CFL2: variants seen among roughly 807,000 people sequenced by gnomAD.
The protein encoded by CFL2 is cofilin 2.
In CFL2, 10 loss-of-function variants were observed where a neutral mutation model predicts 19.6. The ratio of observed to expected loss-of-function variants is 0.51; its 90% CI spans 0.31 to 0.86. CFL2 has a LOEUF of 0.86. CFL2 is among the 40% of genes least tolerant of loss of function. The pLI, the probability that CFL2 is intolerant of heterozygous loss-of-function variation, is 0.04. For synonymous variants in CFL2, 63 were observed against 66.7 expected, an observed-to-expected ratio of 0.95 and a Z score of 0.27; for missense variants, 125 against 192.1, an observed-to-expected ratio of 0.65 and a Z score of 2.06.
chr14:34,714,401 G>A (rs917806937), intron 1 of CFL2, 137 bp downstream of exon 1: 14 of 1,353,718 alleles, frequency 1.0e-5, no homozygotes, highest in Non-Finnish European at 1.4e-5. Flanking sequence ...CGGTCGGCTG[G>A]AGAGCAGCGG....
rs1042347844 is a variant in CFL2 at position 34,711,282 on chromosome 14, G to C, written c.*1583C>G. ...CGACTGACTGCTTACTAGCATGCCTGTTTTGCATACCAGTAGAATCAAGTC... is the reference window on the plus strand; with the variant it reads ...CGACTGACTGCTTACTAGCATGCCTCTTTTGCATACCAGTAGAATCAAGTC... On this transcript the variant is annotated 3_prime_UTR_variant, in exon 4 of 4. Coordinates refer to ENST00000298159, the MANE Select transcript of CFL2 (RefSeq NM_138638.5). The C allele has an allele frequency of 8.8e-6, 4 of 454,424 alleles. No homozygotes were observed. The East Asian group carries it at 2.8e-4, about 32-fold the overall frequency. The allele number at this position is 454,424 out of a possible 1,614,324, so 28.1% of individuals were successfully genotyped here.
rs1042013645 is a variant in CFL2 at position 34,709,391 on chromosome 14, T to G, written c.*3474A>C. Reference sequence around the variant, plus strand: ...TTCTACATGGAAATAAAGCAATTAGTTGGATGTTCCAGAGCAAAAGAAAAG... The same window carrying G: ...TTCTACATGGAAATAAAGCAATTAGGTGGATGTTCCAGAGCAAAAGAAAAG... On this transcript the variant is annotated 3_prime_UTR_variant, in exon 4 of 4. Coordinates refer to ENST00000298159, the MANE Select transcript of CFL2 (RefSeq NM_138638.5). 26 of 152,086 alleles carry G rather than the reference T, an allele frequency of 1.7e-4. No homozygotes were observed. The highest frequency in any genetic ancestry group is 2.4e-4 in the Non-Finnish European group (16 of 68,004). The allele number at this position is 152,086 out of a possible 1,614,324, so 9.4% of individuals were successfully genotyped here.
chr14:34,710,947 G>A lies in CFL2; in HGVS notation c.*1918C>T, dbSNP rs1477340552. The A allele has an allele frequency of 2.2e-6, 1 of 454,022 alleles. No homozygotes were observed. The highest frequency in any genetic ancestry group is 2.3e-5 in the Admixed American group (1 of 42,554). 28.1% of individuals were successfully genotyped at this position (454,022 alleles called of 1,614,324 possible). The stretch of plus-strand genomic sequence containing the variant: ...AGTATACGTCAGTATTCTCTGTTTT[G>A]CTTATCAGAGTTTGGCCTTACCAAA... On this transcript the variant is annotated 3_prime_UTR_variant, in exon 4 of 4. Coordinates refer to ENST00000298159, the MANE Select transcript of CFL2 (RefSeq NM_138638.5).
rs1397650259 is a variant in CFL2, at chr14:34,712,612, T to C, written c.*253A>G. 1.6e-6 allele frequency: 1 copy of C among 616,212 alleles called. No individual in the cohort carries two copies. Among genetic ancestry groups the C allele is most frequent in the South Asian group, 1.5e-5 (1 of 65,984 alleles). 38.2% of individuals were successfully genotyped at this position (616,212 alleles called of 1,614,324 possible). A position where few individuals can be genotyped will look rare whatever the true frequency, so the allele number is the denominator to read the frequency against. On this transcript the variant is annotated 3_prime_UTR_variant, in exon 4 of 4. Coordinates refer to ENST00000298159, the MANE Select transcript of CFL2 (RefSeq NM_138638.5). ...TAGTGCTTGCTGCAAGGGAGGCATA[T>C]AACCAGTTGTTTTGGCTAAAATATG... is the stretch of plus-strand genomic sequence containing the variant.
At chr14:34,714,469 C>G in intron 1 of CFL2, 69 bp downstream of exon 1, 1 of 1,512,478 alleles carries the variant, frequency 6.6e-7, no homozygotes, top group Admixed American at 2.1e-5. Flanking sequence ...ATGGCGGCCT[C>G]ACTCCCGGGG....
Position 34,713,518 on chromosome 14 carries a change from T to C in CFL2, c.47A>G (p.Asn16Ser). 1 of 1,614,068 alleles carries C rather than the reference T, an allele frequency of 6.2e-7. No homozygotes were observed. Among genetic ancestry groups the C allele is most frequent in the Non-Finnish European group, 8.5e-7 (1 of 1,180,006 alleles). ...AGAAGATTTCCTTACTTTCATATCATTAAAAACTTTGATGACTTCATCATT... is the reference window on the plus strand; with the variant it reads ...AGAAGATTTCCTTACTTTCATATCACTAAAAACTTTGATGACTTCATCATT... The part of the protein sequence containing the change: ...TVNDEVIKVF[N>S]DMKVRKSSTQ... The change falls in exon 2 of 4, where the codon AAT (asparagine) becomes AGT (serine). Residue 16 changes from asparagine to serine, a missense_variant. By Grantham distance (46) the Asn-to-Ser change is conservative (BLOSUM62 1). Coordinates refer to ENST00000298159, the MANE Select transcript of CFL2 (RefSeq NM_138638.5).
Position 34,714,566 on chromosome 14 carries a change from G to A in CFL2, c.-26C>T. ...AGTGCCCTCGGCTGTGGCTGCGGCG[G>A]CAGCTCGGGCTTCGGCTCTGTGGCA... On this transcript the variant is annotated 5_prime_UTR_variant, in exon 1 of 4. Transcript: ENST00000298159. 1.3e-6 allele frequency: 2 copies of A among 1,570,890 alleles called. No individual in the cohort carries two copies. The highest frequency in any genetic ancestry group is 8.6e-7 in the Non-Finnish European group (1 of 1,159,248).
In CFL2 at chr14:34,711,950, A is replaced by G. The variant is rs1245834479; in HGVS notation, c.*915T>C. ...GCAGAGATTAGTAATAGCTGTTTTT[A>G]CCCTAGAAGTTGTTTCACATAACAT... On this transcript the variant is annotated 3_prime_UTR_variant, in exon 4 of 4. Transcript: ENST00000298159. 2 of 454,290 alleles carry G rather than the reference A, an allele frequency of 4.4e-6. No individual in the cohort carries two copies. The highest frequency in any genetic ancestry group is 8.8e-6 in the Non-Finnish European group (2 of 226,588). 28.1% of individuals were successfully genotyped at this position (454,290 alleles called of 1,614,324 possible). A position where few individuals can be genotyped will look rare whatever the true frequency, so the allele number is the denominator to read the frequency against.
At position 34,710,522 on chromosome 14, in the gene CFL2, C is replaced by T. The variant is rs761135463; in HGVS notation, c.*2343G>A. 1.9e-4 allele frequency: 81 copies of T among 437,566 alleles called. 1 individual carries two copies. The Middle Eastern group carries it at 3.6e-3, about 19-fold the overall frequency. The allele number at this position is 437,566 out of a possible 1,614,324, so 27.1% of individuals were successfully genotyped here. ...GTAAAATATTGCCTTCAATATTTTA[C>T]TAATTAGCACCGTATACCTTTTAAA... On this transcript the variant is annotated 3_prime_UTR_variant, in exon 4 of 4. Transcript: ENST00000298159.
rs1380202494 is a variant in CFL2 at position 34,710,463 on chromosome 14, AT to A, written c.*2401del. 2.3e-6 allele frequency: 1 copy of A among 427,944 alleles called. No individual in the cohort carries two copies. Among genetic ancestry groups the A allele is most frequent in the South Asian group, 1.7e-5 (1 of 57,270 alleles). 26.5% of individuals were successfully genotyped at this position (427,944 alleles called of 1,614,324 possible). A position where few individuals can be genotyped will look rare whatever the true frequency, so the allele number is the denominator to read the frequency against. Reference sequence around the variant, plus strand: ...AGCTTTACATATTTTCATATATTTTATTTTTTAAACTCTCATAACTTTGCAA... The same window carrying A: ...AGCTTTACATATTTTCATATATTTTATTTTTAAACTCTCATAACTTTGCAA... On this transcript the variant is annotated 3_prime_UTR_variant, in exon 4 of 4. Coordinates refer to ENST00000298159, the MANE Select transcript of CFL2 (RefSeq NM_138638.5).
Position 34,712,803 on chromosome 14 carries a change from C to T in CFL2, c.*62G>A, listed in dbSNP as rs1230725810. 3 of 946,798 alleles carry T rather than the reference C, an allele frequency of 3.2e-6. No homozygotes were observed. In the African/African-American group the frequency reaches 4.8e-5, roughly 15 times the overall value. 58.6% of individuals were successfully genotyped at this position (946,798 alleles called of 1,614,324 possible). On this transcript the variant is annotated 3_prime_UTR_variant, in exon 4 of 4. Transcript: ENST00000298159. The stretch of plus-strand genomic sequence containing the variant: ...CAAAAAACCAAAACCTAATACTATT[C>T]CAATGGACTGAGCTGGAGAAATGGA...
In CFL2 at chr14:34,713,288, CTT is replaced by C; in HGVS notation, c.275_276del (p.Lys92ArgfsTer3). ...AATACTAGGTCTTCTTTCTTAGACT[CTT>C]TTGTTTCGTATGTGGCATCGTACAA... Reference protein sequence around the residue: ...YALYDATYETKESKKEDLVFI... With the variant: ...YALYDATYETXESKKEDLVFI... On this transcript the variant is annotated frameshift_variant, in exon 2 of 4. Transcript: ENST00000298159. LOFTEE classifies it high-confidence loss of function. 6.2e-7 allele frequency: 1 copy of C among 1,613,114 alleles called. No individual in the cohort carries two copies. The highest frequency in any genetic ancestry group is 1.1e-5 in the South Asian group (1 of 90,748).
chr14:34,713,956 T>A (rs1594785312), intron 1 of CFL2: 4 of 777,528 alleles, frequency 5.1e-6, no homozygotes, highest in Non-Finnish European at 7.8e-6. Flanking sequence ...TTTTTTTCTT[T>A]AAAGTCATCC....
Position 34,712,392 on chromosome 14 carries a change from T to C in CFL2, c.*473A>G, listed in dbSNP as rs916389634. 53 of 454,788 alleles carry C rather than the reference T, an allele frequency of 1.2e-4. No individual in the cohort carries two copies. The highest frequency in any genetic ancestry group is 1.9e-4 in the Non-Finnish European group (44 of 227,048). 28.2% of individuals were successfully genotyped at this position (454,788 alleles called of 1,614,324 possible). A position where few individuals can be genotyped will look rare whatever the true frequency, so the allele number is the denominator to read the frequency against. On this transcript the variant is annotated 3_prime_UTR_variant, in exon 4 of 4. Transcript: ENST00000298159. ...GCATAGTGTTATATCCGTGCTGCCATATCACTAAAATAGGCTTGCCAAGGC... is the reference window on the plus strand; with the variant it reads ...GCATAGTGTTATATCCGTGCTGCCACATCACTAAAATAGGCTTGCCAAGGC...
At chr14:34,713,782 TG>T in intron 1 of CFL2, 1 of 1,609,128 alleles carries the variant, frequency 6.2e-7, no homozygotes, top group Non-Finnish European at 8.5e-7. Flanking sequence ...GGTTTGGACG[TG>T]GAAGCGAAAG....
In CFL2 at chr14:34,712,636, T is replaced by C. The variant is rs1471404503; in HGVS notation, c.*229A>G. On this transcript the variant is annotated 3_prime_UTR_variant, in exon 4 of 4. Coordinates refer to ENST00000298159, the MANE Select transcript of CFL2 (RefSeq NM_138638.5). ...ATAACCAGTTGTTTTGGCTAAAATA[T>C]GACAGGAAGGCATTCCTTGGGTTCT... 5 of 648,370 alleles carry C rather than the reference T, an allele frequency of 7.7e-6. No individual in the cohort carries two copies. Among genetic ancestry groups the C allele is most frequent in the Non-Finnish European group, 1.4e-5 (5 of 352,758 alleles). The allele number at this position is 648,370 out of a possible 1,614,324, so 40.2% of individuals were successfully genotyped here.
intron 1 of CFL2, chr14:34,713,810 TC>T (rs1398318124): frequency 6.3e-6 from 10 of 1,587,150 alleles, no homozygotes; most frequent in Non-Finnish European, 8.6e-6. Context: ...ATACAAGTTG[TC>T]CCATCCCTGA....
At position 34,709,359 on chromosome 14, in the gene CFL2, C is replaced by G. The variant is rs1484865035; in HGVS notation, c.*3506G>C. ...AGGAAATTTAAGTGGAGGGATGATT[C>G]CTCTACTTCTACATGGAAATAAAGC... is the stretch of plus-strand genomic sequence containing the variant. On this transcript the variant is annotated 3_prime_UTR_variant, in exon 4 of 4. Coordinates refer to ENST00000298159, the MANE Select transcript of CFL2 (RefSeq NM_138638.5). 3 of 151,992 alleles carry G rather than the reference C, an allele frequency of 2.0e-5. No homozygotes were observed. The highest frequency in any genetic ancestry group is 2.9e-5 in the Non-Finnish European group (2 of 67,984). The allele number at this position is 151,992 out of a possible 1,614,324, so 9.4% of individuals were successfully genotyped here.
chr14:34,710,697 AATT>A lies in CFL2; in HGVS notation c.*2165_*2167del, dbSNP rs1472766925. 2 of 451,666 alleles carry A rather than the reference AATT, an allele frequency of 4.4e-6. No individual in the cohort carries two copies. Among genetic ancestry groups the A allele is most frequent in the Non-Finnish European group, 4.4e-6 (1 of 226,160 alleles). The allele number at this position is 451,666 out of a possible 1,614,324, so 28.0% of individuals were successfully genotyped here. ...AAAGATGTATTTCAAAGATGAACTT[AATT>A]ATATTAGTATCAGTTTTGTCAATCT... On this transcript the variant is annotated 3_prime_UTR_variant, in exon 4 of 4. Coordinates refer to ENST00000298159, the MANE Select transcript of CFL2 (RefSeq NM_138638.5).
Sources: gnomAD v4.1 joint callset for allele counts on GRCh38, gnomAD v4.1.1 for gene constraint, MANE v1.5 for transcripts, NCBI Gene and HGNC (gene_info 2026-07-23, HGNC 2026-07-21) for gene names.